The following CRY2 variants were observed in gnomAD, a reference collection of about 807,000 sequenced individuals.
The protein encoded by CRY2 is cryptochrome-2.
Under a neutral mutation model 69.5 loss-of-function variants are expected in CRY2, and 31 were observed. That is an observed-to-expected ratio of 0.45 (90% CI 0.34 to 0.60). The LOEUF (loss-of-function observed/expected upper bound fraction) is 0.60, where lower values mean the gene tolerates loss of function less well. Among genes scored for constraint, CRY2 ranks in the 20% least tolerant of loss-of-function variants. The probability of loss-of-function intolerance (pLI) is 0.02; values close to 1 mark genes in which losing one functional copy is unlikely to be tolerated. For synonymous variants in CRY2, 303 were observed against 312.2 expected (o/e 0.97, Z 0.31); for missense variants, 606 against 797.8 (o/e 0.76, Z 2.90).
chr11:45,857,109 A>G (rs1351701102), intron 2 of CRY2, among the ~76,000 whole-genome samples: 1 of 152,166 alleles, frequency 6.6e-6, no homozygotes, highest in Non-Finnish European at 1.5e-5. Flanking sequence ...TAGTGAATAC[A>G]TCATCCTTCA....
intron 1 of CRY2, among the ~76,000 whole-genome samples, chr11:45,848,574 G>A (rs1392088697): frequency 6.6e-5 from 10 of 152,190 alleles, no homozygotes; most frequent in Non-Finnish European, 1.5e-5. Flanking sequence ...AGGAGATGGA[G>A]TCGACATGAT....
chr11:45,862,587 T>A (rs2134637800), intron 5 of CRY2, among the ~76,000 whole-genome samples: 1 of 152,344 alleles, frequency 6.6e-6, no homozygotes, highest in African/African-American at 2.4e-5. Context: ...GCTCACCTTA[T>A]AACACAGTAA....
intron 5 of CRY2, among the ~76,000 whole-genome samples, chr11:45,865,040 A>G (rs1228188203): frequency 1.3e-5 from 2 of 150,940 alleles, no homozygotes; most frequent in Non-Finnish European, 2.9e-5. Flanking sequence ...AATTACAGGC[A>G]TGAGCCACCA....
intron 5 of CRY2, 85 bp from the exon 6 acceptor site, chr11:45,867,527 C>A: frequency 6.4e-7 from 1 of 1,556,692 alleles, no homozygotes; most frequent in Non-Finnish European, 8.8e-7. Flanking sequence ...TGACCGTAGG[C>A]AGATTCCTTA....
intron 5 of CRY2, among the ~76,000 whole-genome samples, chr11:45,864,225 C>T (rs1031955546): frequency 6.6e-6 from 1 of 152,084 alleles, no homozygotes; most frequent in Non-Finnish European, 1.5e-5. Flanking sequence ...CTGTGGGAAT[C>T]TTGGCAAGTC....
chr11:45,864,309 A>T (rs2086312470), intron 5 of CRY2, among the ~76,000 whole-genome samples: 1 of 152,256 alleles, frequency 6.6e-6, no homozygotes, highest in Non-Finnish European at 1.5e-5. Flanking sequence ...AGATTAAAAG[A>T]AAATTAAATA....
At chr11:45,867,826 A>G (rs1485496991) in intron 6 of CRY2, 74 bp downstream of exon 6, 1 of 1,597,138 alleles carries the variant, frequency 6.3e-7, no homozygotes. Context: ...AGTCACCCTA[A>G]AAAAGGCACT....
chr11:45,876,703 G>T (rs1052335979), intron 11 of CRY2, among the ~76,000 whole-genome samples: 2 of 152,210 alleles, frequency 1.3e-5, no homozygotes, highest in African/African-American at 4.8e-5. Context: ...CAGTAAGCCT[G>T]ACTGGGTAGA....
chr11:45,866,488 G>GCA (rs1369524004), intron 5 of CRY2, among the ~76,000 whole-genome samples: 1 of 152,206 alleles, frequency 6.6e-6, no homozygotes, highest in Admixed American at 6.5e-5. Flanking sequence ...GGATAAGACA[G>GCA]CACAGTTGGC....
In CRY2 at chr11:45,860,957, C is replaced by G. The variant is rs780038838; in HGVS notation, c.577C>G (p.Gln193Glu). ...KKPVGLVTSQQMESCRAEIQE... is the reference protein window; with the variant it reads ...KKPVGLVTSQEMESCRAEIQE... ...GCCAGTGGGCTTGGTGACCAGCCAG[C>G]AGATGGAGAGCTGCAGGGCCGAGAT... The change falls in exon 4 of 12, where the codon CAG (glutamine) becomes GAG (glutamate). Residue 193 changes from glutamine (Q) to glutamate (E), a missense_variant. This residue lies in a region of CRY2 where 382 missense variants were observed against 508.9 expected (regional missense o/e 0.75). Coordinates refer to ENST00000616080, the MANE Select transcript of CRY2 (RefSeq NM_021117.5). The G allele has an allele frequency of 1.3e-5, 21 of 1,614,002 alleles. No individual in the cohort carries two copies. The highest frequency in any genetic ancestry group is 1.7e-5 in the Non-Finnish European group (20 of 1,180,054).
intron 11 of CRY2, among the ~76,000 whole-genome samples, chr11:45,874,279 TA>T (rs144754663): frequency 2.4e-3 from 342 of 142,282 alleles, no homozygotes; most frequent in Admixed American, 3.0e-3. Context: ...AAACTCTGTC[TA>T]AAAAAAAAAA....
At position 45,870,830 on chromosome 11, in the gene CRY2, C is replaced by T; in HGVS notation, c.1550-12C>T. On this transcript the variant is annotated splice_polypyrimidine_tract_variant and intron_variant, in intron 9 of 11. Transcript: ENST00000616080. Reference sequence around the variant, plus strand: ...GAGACGGCACTCTGATTACTCCTCGCCTCTCTCCCAGGTCTACTGGCATCT... The same window carrying T: ...GAGACGGCACTCTGATTACTCCTCGTCTCTCTCCCAGGTCTACTGGCATCT... The T allele has an allele frequency of 1.9e-6, 3 of 1,609,156 alleles. No individual in the cohort carries two copies. The highest frequency in any genetic ancestry group is 2.6e-6 in the Non-Finnish European group (3 of 1,176,018).
intron 1 of CRY2, among the ~76,000 whole-genome samples, chr11:45,849,884 A>G (rs1276222333): frequency 1.3e-5 from 2 of 151,490 alleles, no homozygotes; most frequent in Non-Finnish European, 2.9e-5. Flanking sequence ...TGGTCTCCCA[A>G]ACTGCTGGGA....
intron 2 of CRY2, among the ~76,000 whole-genome samples, chr11:45,857,160 G>T (rs558606183): frequency 1.3e-5 from 2 of 152,282 alleles, no homozygotes; most frequent in Non-Finnish European, 2.9e-5. Context: ...GTGCATACAT[G>T]TACAAATCAC....
At chr11:45,868,312 G>C (rs1334828889) in intron 6 of CRY2, among the ~76,000 whole-genome samples, 1 of 152,174 alleles carries the variant, frequency 6.6e-6, no homozygotes, top group Admixed American at 6.5e-5. Context: ...TCAGCATTCA[G>C]AGGGATCACC....
intron 3 of CRY2, 110 bp downstream of exon 3, chr11:45,858,983 G>A (rs964576763): frequency 2.6e-5 from 35 of 1,339,880 alleles, no homozygotes; most frequent in Admixed American, 2.3e-4. Context: ...TGACCCAGGA[G>A]GCATGGCATC....
At chr11:45,877,503 T>C (rs573406517) in intron 11 of CRY2, among the ~76,000 whole-genome samples, 121 of 152,284 alleles carry the variant, frequency 7.9e-4, no homozygotes, top group African/African-American at 2.9e-3. Flanking sequence ...TGGGAAGGGA[T>C]GTGAGGGCAA....
intron 6 of CRY2, chr11:45,867,993 C>T: frequency 1.9e-6 from 1 of 519,596 alleles, no homozygotes; most frequent in Non-Finnish European, 3.4e-6. Context: ...AGCAGAAGGA[C>T]AGGCAGAAAA....
intron 11 of CRY2, among the ~76,000 whole-genome samples, chr11:45,878,498 C>G (rs1307607421): frequency 2.0e-5 from 3 of 152,136 alleles, no homozygotes; most frequent in Non-Finnish European, 4.4e-5. Context: ...GGAGTATATA[C>G]TCAGAATCAG....
Sources: allele counts gnomAD v4.1 joint callset (sites outside exome capture counted in the v4.1 genomes callset), GRCh38; gene constraint gnomAD v4.1.1; regional missense constraint gnomAD v4.1.1; transcripts MANE v1.5; gene names NCBI Gene and HGNC (gene_info 2026-07-23, HGNC 2026-07-21).